GPSM2: variants seen among roughly 807,000 people sequenced by gnomAD.
The protein encoded by GPSM2 is G protein-signaling modulator 2.
GPSM2 carries 58 observed loss-of-function variants against 78.4 expected under a neutral mutation model. The ratio of observed to expected loss-of-function variants is 0.74; its 90% confidence interval spans 0.60 to 0.92. The LOEUF is 0.92. GPSM2 is among the 40% of genes least tolerant of loss of function. The probability of loss-of-function intolerance (pLI) is 0.00; values close to 1 mark genes in which losing one functional copy is unlikely to be tolerated. For missense variants in GPSM2, 700 were observed against 815.5 expected (o/e 0.86, Z 1.73); for synonymous variants, 224 against 280.2 (o/e 0.80, Z 2.00).
At chr1:108,929,673 T>G (rs199555600) in intron 14 of GPSM2, 28 bp from the exon 15 acceptor site, 1 of 1,607,886 alleles carries the variant, frequency 6.2e-7, no homozygotes, top group Non-Finnish European at 8.5e-7. Context: ...CCACAGTATG[T>G]CTTTTAATCT....
chr1:108,889,094 C>G (rs906614568), intron 2 of GPSM2, among the ~76,000 whole-genome samples: 1 of 152,116 alleles, frequency 6.6e-6, no homozygotes, highest in Non-Finnish European at 1.5e-5. Context: ...AAGGCTTGTT[C>G]CCCGGTGCTG....
intron 3 of GPSM2, 102 bp from the exon 4 acceptor site, chr1:108,897,390 T>G: frequency 8.6e-7 from 1 of 1,156,844 alleles, no homozygotes; most frequent in Non-Finnish European, 1.2e-6. Context: ...AGCATGTCAG[T>G]TTGTCCTCTT....
intron 2 of GPSM2, among the ~76,000 whole-genome samples, chr1:108,892,969 A>G (rs1648076552): frequency 6.6e-6 from 1 of 152,204 alleles, no homozygotes; most frequent in East Asian, 1.9e-4. Flanking sequence ...CCTGTAGGGC[A>G]TTCTCACTAC....
Position 108,930,076 on chromosome 1 carries a change from G to A in GPSM2, c.*136G>A. 1 of 832,552 alleles carries A rather than the reference G, an allele frequency of 1.2e-6. No homozygotes were observed. Among genetic ancestry groups the A allele is most frequent in the Non-Finnish European group, 1.9e-6 (1 of 532,332 alleles). The allele number at this position is 832,552 out of a possible 1,614,324, so 51.6% of individuals were successfully genotyped here. The stretch of plus-strand genomic sequence containing the variant: ...GAATGATGTAAATAGTTAACCTTCA[G>A]TAGTCTATTAAGGCATTAATACTTC... On this transcript the variant is annotated 3_prime_UTR_variant, in exon 15 of 15. Transcript: ENST00000264126.
intron 2 of GPSM2, among the ~76,000 whole-genome samples, chr1:108,892,153 A>G (rs1253801678): frequency 6.6e-6 from 1 of 152,198 alleles, no homozygotes; most frequent in Non-Finnish European, 1.5e-5. Flanking sequence ...GAAAATGGAG[A>G]GTAGTCTTAT....
chr1:108,900,262 G>A lies in GPSM2; in HGVS notation c.797+1268G>A, dbSNP rs189194246. On this transcript the variant is annotated intron_variant, in intron 7 of 14. Coordinates refer to ENST00000264126, the MANE Select transcript of GPSM2 (RefSeq NM_013296.5). ...TTTTTTTTTTTTTTTTTTTAAATAC[G>A]GAGTTTTGCTCTTGTCGCCCAGGCT... Among the ~76,000 whole-genome samples the A allele has an allele frequency of 4.8e-3, 685 of 143,346 alleles. 5 individuals are homozygous for A. The highest frequency in any genetic ancestry group is 8.3e-3 in the Non-Finnish European group (553 of 66,422). The allele number at this position is 143,346 out of a possible 152,430, so 94.0% of individuals were successfully genotyped here. A position where few individuals can be genotyped will look rare whatever the true frequency, so the allele number is the denominator to read the frequency against.
At position 108,901,908 on chromosome 1, in the gene GPSM2, C is replaced by A. The variant is rs1176678122; in HGVS notation, c.916C>A (p.Leu306Met). 5 of 1,611,668 alleles carry A rather than the reference C, an allele frequency of 3.1e-6. No individual in the cohort carries two copies. The highest frequency in any genetic ancestry group is 4.2e-6 in the Non-Finnish European group (5 of 1,177,770). The stretch of plus-strand genomic sequence containing the variant: ...CTATGAAAAGGCCATTGATTATCAT[C>A]TGAAGCACTTAGCAATTGCTCAAGA... ...QDYEKAIDYH[L>M]KHLAIAQELN... The change falls in exon 8 of 15, where the codon CTG (leucine) becomes ATG (methionine). Residue 306 changes from leucine (L) to methionine (M), a missense_variant. Physicochemically the swap from Leu to Met is conservative, Grantham distance 15 (BLOSUM62 2). Coordinates refer to ENST00000264126, the MANE Select transcript of GPSM2 (RefSeq NM_013296.5).
intron 1 of GPSM2, among the ~76,000 whole-genome samples, chr1:108,881,620 G>A (rs1570867264): frequency 6.6e-6 from 1 of 152,136 alleles, no homozygotes; most frequent in South Asian, 2.1e-4. Flanking sequence ...TGTGTGAAGT[G>A]CTACCTAATT....
intron 14 of GPSM2, among the ~76,000 whole-genome samples, chr1:108,928,417 C>CA: frequency 6.6e-6 from 1 of 152,276 alleles, no homozygotes; most frequent in South Asian, 2.1e-4. Flanking sequence ...TTGAAATTAT[C>CA]AATTTATGAC....
At chr1:108,910,821 C>A (rs1407731334) in intron 10 of GPSM2, among the ~76,000 whole-genome samples, 1 of 151,670 alleles carries the variant, frequency 6.6e-6, no homozygotes, top group Admixed American at 6.6e-5. Context: ...CGAGATAGCA[C>A]CACTGCACTC....
At chr1:108,908,199 G>A (rs1400216963) in intron 10 of GPSM2, among the ~76,000 whole-genome samples, 3 of 151,866 alleles carry the variant, frequency 2.0e-5, no homozygotes, top group East Asian at 1.9e-4. Context: ...GTGAAACCCC[G>A]TCTCCACTAA....
chr1:108,914,456 G>A (rs1484308318), intron 11 of GPSM2, 48 bp downstream of exon 11: 1 of 1,241,250 alleles, frequency 8.1e-7, no homozygotes, highest in African/African-American at 1.5e-5. Flanking sequence ...ATTATAAAAT[G>A]TTTTAGTAAT....
At chr1:108,928,510 G>A (rs1438654525) in intron 14 of GPSM2, among the ~76,000 whole-genome samples, 2 of 152,210 alleles carry the variant, frequency 1.3e-5, no homozygotes, top group African/African-American at 4.8e-5. Flanking sequence ...TGAGGGTTGT[G>A]GGCTTAAATG....
chr1:108,918,811 G>A, intron 12 of GPSM2, 22 bp downstream of exon 12: 1 of 1,567,704 alleles, frequency 6.4e-7, no homozygotes, highest in Non-Finnish European at 8.8e-7. Context: ...CTAAGTTTTT[G>A]AGTATTGTGT....
chr1:108,895,951 T>A (rs573231775), intron 2 of GPSM2, among the ~76,000 whole-genome samples: 14 of 152,292 alleles, frequency 9.2e-5, no homozygotes, highest in East Asian at 5.8e-4. Flanking sequence ...TCCATTTTTT[T>A]AAAATGATAA....
chr1:108,912,671 G>A (rs188823307), intron 10 of GPSM2, among the ~76,000 whole-genome samples: 8 of 151,860 alleles, frequency 5.3e-5, no homozygotes, highest in Admixed American at 1.3e-4. Flanking sequence ...AGCCCAAGAG[G>A]TCACCTAAGC....
chr1:108,882,206 C>T (rs1245111604), intron 1 of GPSM2, among the ~76,000 whole-genome samples: 1 of 152,208 alleles, frequency 6.6e-6, no homozygotes, highest in Non-Finnish European at 1.5e-5. Flanking sequence ...CCACCTTGGT[C>T]TCCCAAAGCA....
At chr1:108,893,891 C>A (rs1648160208) in intron 2 of GPSM2, among the ~76,000 whole-genome samples, 1 of 151,938 alleles carries the variant, frequency 6.6e-6, no homozygotes, top group South Asian at 2.1e-4. Context: ...CCCATCTCTA[C>A]TAAAAATACA....
intron 12 of GPSM2, among the ~76,000 whole-genome samples, chr1:108,920,426 G>A (rs1255938079): frequency 2.6e-5 from 4 of 151,912 alleles, no homozygotes; most frequent in East Asian, 1.9e-4. Context: ...CCGAGATCGC[G>A]CCACTGTACT....
Sources: allele counts gnomAD v4.1 joint callset (sites outside exome capture counted in the v4.1 genomes callset), GRCh38; gene constraint gnomAD v4.1.1; transcripts MANE v1.5; gene names NCBI Gene and HGNC (gene_info 2026-07-23, HGNC 2026-07-21).